SSBP2: variants seen among roughly 807,000 people sequenced by gnomAD.
The protein encoded by SSBP2 is single stranded DNA binding protein 2.
SSBP2 carries 17 observed loss-of-function variants against 61.8 expected under a neutral mutation model. That is an observed-to-expected ratio of 0.28 (90% CI 0.19 to 0.41). The LOEUF is 0.41. Ranked by LOEUF, SSBP2 falls within the 10% of genes least tolerant of loss-of-function variation. The pLI is 1.00. For missense variants in SSBP2, 310 were observed against 458.7 expected (o/e 0.68, Z 2.96); for synonymous variants, 139 against 141.3 (o/e 0.98, Z 0.12).
At chr5:81,528,769 C>G (rs780613346) in intron 4 of SSBP2, among the ~76,000 whole-genome samples, 4 of 152,004 alleles carry the variant, frequency 2.6e-5, no homozygotes, top group African/African-American at 4.8e-5. Context: ...TTAGTAGATA[C>G]AAAGACGGTC....
At chr5:81,428,491 G>T in intron 16 of SSBP2, 94 bp downstream of exon 16, 1 of 844,378 alleles carries the variant, frequency 1.2e-6, no homozygotes, top group South Asian at 1.6e-5. Flanking sequence ...TTGAACTCTA[G>T]ATAAACAGCA....
chr5:81,580,715 T>C (rs1395471318), intron 4 of SSBP2, among the ~76,000 whole-genome samples: 3 of 149,108 alleles, frequency 2.0e-5, no homozygotes, highest in Non-Finnish European at 4.4e-5. Flanking sequence ...GGAAAACATT[T>C]TAACTGGAAT....
intron 1 of SSBP2, among the ~76,000 whole-genome samples, chr5:81,661,243 T>A (rs1482010762): frequency 6.6e-6 from 1 of 152,322 alleles, no homozygotes; most frequent in South Asian, 2.1e-4. Flanking sequence ...ATAGTCTATT[T>A]TCCTTCATCT....
At chr5:81,472,729 A>C (rs1247759043) in intron 8 of SSBP2, among the ~76,000 whole-genome samples, 1 of 152,038 alleles carries the variant, frequency 6.6e-6, no homozygotes, top group African/African-American at 2.4e-5. Flanking sequence ...CCTCTCGAGT[A>C]GCTGGGATTA....
At chr5:81,610,199 C>T (rs762446862) in intron 4 of SSBP2, among the ~76,000 whole-genome samples, 2 of 152,140 alleles carry the variant, frequency 1.3e-5, no homozygotes, top group Non-Finnish European at 2.9e-5. Flanking sequence ...CTGAGCAAGA[C>T]TGGGGGGAGA....
At chr5:81,483,853 C>G (rs1167661520) in intron 6 of SSBP2, among the ~76,000 whole-genome samples, 1 of 151,950 alleles carries the variant, frequency 6.6e-6, no homozygotes, top group East Asian at 1.9e-4. Flanking sequence ...AGCTCTTTAC[C>G]ACATGCAGCA....
At chr5:81,711,654 T>C (rs958675530) in intron 1 of SSBP2, among the ~76,000 whole-genome samples, 1 of 127,016 alleles carries the variant, frequency 7.9e-6, no homozygotes, top group Non-Finnish European at 1.8e-5. Context: ...CCTAAAGAGA[T>C]AATAAATTGT....
chr5:81,622,830 G>T (rs1220780191), intron 3 of SSBP2, among the ~76,000 whole-genome samples: 2 of 152,144 alleles, frequency 1.3e-5, no homozygotes, highest in African/African-American at 4.8e-5. Flanking sequence ...ACAATGCAAA[G>T]TTAAGTTCAT....
intron 9 of SSBP2, among the ~76,000 whole-genome samples, chr5:81,464,875 C>T (rs1764783913): frequency 6.6e-6 from 1 of 152,016 alleles, no homozygotes; most frequent in African/African-American, 2.4e-5. Flanking sequence ...TACAGTTAGA[C>T]TTTGTTTTAA....
intron 4 of SSBP2, among the ~76,000 whole-genome samples, chr5:81,566,280 A>C (rs1424227161): frequency 6.6e-6 from 1 of 152,156 alleles, no homozygotes; most frequent in African/African-American, 2.4e-5. Context: ...CTCATGTTGA[A>C]TTGTACTCCC....
At chr5:81,648,873 A>G (rs1749494134) in intron 2 of SSBP2, among the ~76,000 whole-genome samples, 1 of 152,040 alleles carries the variant, frequency 6.6e-6, no homozygotes, top group Non-Finnish European at 1.5e-5. Context: ...ATTTTATTTT[A>G]CCTAATATAG....
At chr5:81,478,237 C>T (rs2154028202) in intron 6 of SSBP2, among the ~76,000 whole-genome samples, 1 of 152,218 alleles carries the variant, frequency 6.6e-6, no homozygotes, top group African/African-American at 2.4e-5. Flanking sequence ...TCATAGATCA[C>T]TGCAGCCACA....
chr5:81,531,641 G>A (rs1285701330), intron 4 of SSBP2, among the ~76,000 whole-genome samples: 1 of 152,042 alleles, frequency 6.6e-6, no homozygotes, highest in Non-Finnish European at 1.5e-5. Context: ...TAGGCTGCAA[G>A]GACACAGAGG....
intron 2 of SSBP2, among the ~76,000 whole-genome samples, chr5:81,642,317 C>G (rs978939979): frequency 3.9e-5 from 6 of 152,144 alleles, no homozygotes; most frequent in African/African-American, 1.2e-4. Flanking sequence ...TTGCCCAGTC[C>G]TAAGGCTTTT....
At chr5:81,689,394 C>T (rs1168866834) in intron 1 of SSBP2, among the ~76,000 whole-genome samples, 1 of 151,850 alleles carries the variant, frequency 6.6e-6, no homozygotes, top group Non-Finnish European at 1.5e-5. Context: ...GCATATTTAA[C>T]CGAAATAAGA....
At chr5:81,474,382 G>A in intron 7 of SSBP2, 114 bp downstream of exon 7, 1 of 849,160 alleles carries the variant, frequency 1.2e-6, no homozygotes, top group South Asian at 1.6e-5. Flanking sequence ...TTAGAAAAAT[G>A]CAACTGGTAT....
intron 10 of SSBP2, among the ~76,000 whole-genome samples, chr5:81,452,517 A>G (rs1763844554): frequency 6.6e-6 from 1 of 152,218 alleles, no homozygotes; most frequent in African/African-American, 2.4e-5. Context: ...CTGGCAAGAG[A>G]TGATAAAGAG....
rs1761317213 is a variant in SSBP2 at position 81,416,503 on chromosome 5, G to A, written c.*4001C>T. ...GGAGGGAGGCAAGGATAAAGCCACG[G>A]AAGAAGTAATCAAGACTTCATAGTA... is the stretch of plus-strand genomic sequence containing the variant. On this transcript the variant is annotated 3_prime_UTR_variant, in exon 17 of 17. Coordinates refer to ENST00000320672, the MANE Select transcript of SSBP2 (RefSeq NM_012446.5). The A allele has an allele frequency of 6.6e-6, 1 of 152,330 alleles. No individual in the cohort carries two copies. Among genetic ancestry groups the A allele is most frequent in the Non-Finnish European group, 1.5e-5 (1 of 68,138 alleles). The allele number at this position is 152,330 out of a possible 1,614,324, so 9.4% of individuals were successfully genotyped here. A position where few individuals can be genotyped will look rare whatever the true frequency, so the allele number is the denominator to read the frequency against.
At chr5:81,425,293 A>G (rs1761884175) in intron 16 of SSBP2, among the ~76,000 whole-genome samples, 1 of 152,190 alleles carries the variant, frequency 6.6e-6, no homozygotes. Flanking sequence ...TTATTTTCTT[A>G]GAGAGAAATA....
Sources: allele counts gnomAD v4.1 joint callset (sites outside exome capture counted in the v4.1 genomes callset), GRCh38; gene constraint gnomAD v4.1.1; transcripts MANE v1.5; gene names NCBI Gene and HGNC (gene_info 2026-07-23, HGNC 2026-07-21).